DNAH14: variants seen among roughly 807,000 people sequenced by gnomAD.
The protein encoded by DNAH14 is dynein axonemal heavy chain 14.
Under a neutral mutation model 520.9 loss-of-function variants are expected in DNAH14, and 478 were observed. The observed-to-expected ratio is 0.92, with a 90% CI of 0.85 to 0.99. The LOEUF is 0.99. Ranked by LOEUF, DNAH14 falls within the 50% of genes least tolerant of loss-of-function variation. The pLI is 0.00. For missense variants in DNAH14, 4,831 were observed against 5,234.5 expected, an observed-to-expected ratio of 0.92 and a Z score of 2.38; for synonymous variants, 1,581 against 1,757.2, an observed-to-expected ratio of 0.90 and a Z score of 2.51.
At chr1:225,004,055 T>C (rs1438158322) in intron 9 of DNAH14, among the ~76,000 whole-genome samples, 1 of 152,092 alleles carries the variant, frequency 6.6e-6, no homozygotes, top group Non-Finnish European at 1.5e-5. Context: ...TCAGGCCATG[T>C]CAGCTTTAAT....
At chr1:224,960,372 G>T (rs987896125) in intron 4 of DNAH14, 70 bp downstream of exon 4, 2 of 1,387,322 alleles carry the variant, frequency 1.4e-6, no homozygotes. Context: ...TGGTTTGTGT[G>T]CTTATATTGG....
At chr1:225,010,373 T>A (rs748802177) in intron 10 of DNAH14, among the ~76,000 whole-genome samples, 2 of 152,166 alleles carry the variant, frequency 1.3e-5, no homozygotes, top group Admixed American at 1.3e-4. Flanking sequence ...TCATCATTGG[T>A]TCTGTTTATG....
At chr1:225,332,616 A>G (rs2094822828) in intron 65 of DNAH14, among the ~76,000 whole-genome samples, 1 of 152,176 alleles carries the variant, frequency 6.6e-6, no homozygotes. Context: ...GTAAAGATTC[A>G]GTAAATATGG....
chr1:225,363,100 C>CA (rs571624132), intron 75 of DNAH14, among the ~76,000 whole-genome samples: 78 of 152,094 alleles, frequency 5.1e-4, no homozygotes, highest in African/African-American at 1.8e-3. Context: ...AAGAACAGTA[C>CA]AAAAACTCCC....
chr1:225,215,474 G>T (rs569346437), intron 41 of DNAH14, among the ~76,000 whole-genome samples: 1 of 152,284 alleles, frequency 6.6e-6, no homozygotes, highest in African/African-American at 2.4e-5. Flanking sequence ...TTAACTTTCT[G>T]TCTCGTTGAT....
intron 36 of DNAH14, among the ~76,000 whole-genome samples, chr1:225,174,032 G>A (rs2083028745): frequency 6.6e-6 from 1 of 152,040 alleles, no homozygotes; most frequent in African/African-American, 2.4e-5. Context: ...AACACCGCAT[G>A]TTCTCACTCA....
intron 64 of DNAH14, among the ~76,000 whole-genome samples, chr1:225,330,838 G>A (rs369785310): frequency 7.9e-5 from 12 of 152,074 alleles, no homozygotes; most frequent in Non-Finnish European, 1.3e-4. Context: ...ATAAATGCTC[G>A]AGAGGATGGA....
rs547310666 is a variant in DNAH14, at chr1:225,244,074, G to A, written c.6748+3252G>A. ...AACATGAAAGAGTGTTGAATTTATC[G>A]AAGGCCTTTTCTGCATCTATTGAGA... On this transcript the variant is annotated intron_variant, in intron 43 of 85. Transcript: ENST00000682510. Among the ~76,000 whole-genome samples, 19 of 152,024 alleles carry A rather than the reference G, an allele frequency of 1.2e-4. No homozygotes were observed. In the East Asian group the frequency reaches 3.7e-3, roughly 29 times the overall value.
At chr1:225,167,364 T>A (rs1000344941) in intron 35 of DNAH14, among the ~76,000 whole-genome samples, 2 of 152,218 alleles carry the variant, frequency 1.3e-5, no homozygotes, top group Non-Finnish European at 2.9e-5. Flanking sequence ...AAACCCTCCT[T>A]TAGAAGGAAG....
intron 37 of DNAH14, among the ~76,000 whole-genome samples, chr1:225,190,337 C>A (rs1427968827): frequency 1.3e-5 from 2 of 151,810 alleles, no homozygotes; most frequent in African/African-American, 2.4e-5. Context: ...TTGTGTATGT[C>A]GATCTGATAA....
chr1:225,139,485 T>G (rs73133593), intron 27 of DNAH14, among the ~76,000 whole-genome samples: 2,162 of 152,320 alleles, frequency 0.014, 37 homozygotes, highest in African/African-American at 0.049. Context: ...TCTCTTGCAC[T>G]TCTACGTATG....
chr1:225,107,531 G>A (rs987124471), intron 23 of DNAH14, among the ~76,000 whole-genome samples: 9 of 152,178 alleles, frequency 5.9e-5, no homozygotes, highest in Non-Finnish European at 1.0e-4. Context: ...CATACATGGA[G>A]TGTTTTTAAG....
intron 1 of DNAH14, among the ~76,000 whole-genome samples, chr1:224,934,260 A>G (rs2058884159): frequency 6.6e-6 from 1 of 152,046 alleles, no homozygotes; most frequent in Admixed American, 6.6e-5. Flanking sequence ...ATACAAGAGG[A>G]TTGTTAAAAA....
chr1:225,119,072 A>G, intron 25 of DNAH14, 148 bp from the exon 26 acceptor site: 1 of 466,662 alleles, frequency 2.1e-6, no homozygotes, highest in Non-Finnish European at 3.7e-6. Context: ...CAAAATTAAG[A>G]TTTAGAAAAA....
At chr1:225,033,897 A>G (rs1028771707) in intron 11 of DNAH14, among the ~76,000 whole-genome samples, 5 of 152,166 alleles carry the variant, frequency 3.3e-5, no homozygotes, top group African/African-American at 1.2e-4. Context: ...TAGGAATGCT[A>G]GTGATTTCTG....
chr1:225,043,121 C>A lies in DNAH14; in HGVS notation c.1768+7C>A. 1 of 1,545,586 alleles carries A rather than the reference C, an allele frequency of 6.5e-7. No homozygotes were observed. The highest frequency in any genetic ancestry group is 1.2e-5 in the South Asian group (1 of 83,152). ...CTTGAAGATATTATTTCAGGTAAGA[C>A]AATTGAGACTATAAAGAATGAGGGG... On this transcript the variant is annotated splice_region_variant and intron_variant, in intron 13 of 85. Transcript: ENST00000682510.
chr1:225,144,893 T>TTGTG (rs71943763), intron 29 of DNAH14, among the ~76,000 whole-genome samples: 50 of 148,988 alleles, frequency 3.4e-4, no homozygotes, highest in Non-Finnish European at 6.0e-4. Flanking sequence ...ATTAATATCA[T>TTGTG]TGTGTGTGTG....
At position 224,967,367 on chromosome 1, in the gene DNAH14, G is replaced by T. The variant is rs2061243708; in HGVS notation, c.499-64G>T. On this transcript the variant is annotated intron_variant, in intron 5 of 85. Transcript: ENST00000682510. ...TTAGTGGGTAATCTGTTCACCCATT[G>T]TATTAATTTAGTTAATTTAGTCAAA... 39 of 1,208,618 alleles carry T rather than the reference G, an allele frequency of 3.2e-5. No individual in the cohort carries two copies. The South Asian group carries it at 7.1e-4, about 22-fold the overall frequency. 74.9% of individuals were successfully genotyped at this position (1,208,618 alleles called of 1,614,324 possible).
chr1:225,044,870 A>G (rs967578377), intron 15 of DNAH14, among the ~76,000 whole-genome samples: 9 of 152,142 alleles, frequency 5.9e-5, no homozygotes, highest in Non-Finnish European at 1.2e-4. Flanking sequence ...ACTTACAGAC[A>G]TTCTAAACAA....
Sources: allele counts gnomAD v4.1 joint callset (sites outside exome capture counted in the v4.1 genomes callset), GRCh38; gene constraint gnomAD v4.1.1; transcripts MANE v1.5; gene names NCBI Gene and HGNC (gene_info 2026-07-23, HGNC 2026-07-21).